SLC11A1: variants seen among roughly 807,000 people sequenced by gnomAD.
SLC11A1 encodes the protein natural resistance-associated macrophage protein 1.
In SLC11A1, 59 loss-of-function variants were observed where a neutral mutation model predicts 63.2. That is an observed-to-expected ratio of 0.93 (90% CI 0.76 to 1.16). SLC11A1 has a LOEUF of 1.16. Among genes scored for constraint, SLC11A1 ranks in the 50% most tolerant of loss-of-function variants. The probability of loss-of-function intolerance (pLI) is 0.00; values close to 1 mark genes in which losing one functional copy is unlikely to be tolerated. For missense variants in SLC11A1, 688 were observed against 730.7 expected (o/e 0.94, Z 0.67); for synonymous variants, 305 against 307.8 (o/e 0.99, Z 0.09).
In SLC11A1 at chr2:218,395,369, G is replaced by A. The variant is rs1696702314; in HGVS notation, c.*334G>A. The A allele has an allele frequency of 7.8e-6, 2 of 257,124 alleles. No homozygotes were observed. The highest frequency in any genetic ancestry group is 4.4e-5 in the African/African-American group (2 of 45,230). 15.9% of individuals were successfully genotyped at this position (257,124 alleles called of 1,614,324 possible). ...AGGCGTGACCTGACAGCCCAAGGGT[G>A]GGTGGGGTGAGGGCTTGAGGACTTG... On this transcript the variant is annotated 3_prime_UTR_variant, in exon 15 of 15. Coordinates refer to ENST00000233202, the MANE Select transcript of SLC11A1 (RefSeq NM_000578.4).
Position 218,384,107 on chromosome 2 carries a change from A to C in SLC11A1, c.151-136A>C, listed in dbSNP as rs1695944145. ...ATGCCCTCCCCATCCCTTGGGTGGC[A>C]GACCCAGGAATGGGCCATGGAGGGC... On this transcript the variant is annotated intron_variant, in intron 2 of 14. Coordinates refer to ENST00000233202, the MANE Select transcript of SLC11A1 (RefSeq NM_000578.4). This position sits in a 1 kb window ranked among gnomAD's most constrained non-coding sequence, Gnocchi z 4.0. 1 of 873,068 alleles carries C rather than the reference A, an allele frequency of 1.1e-6. No individual in the cohort carries two copies. Among genetic ancestry groups the C allele is most frequent in the Admixed American group, 2.8e-5 (1 of 35,522 alleles). 54.1% of individuals were successfully genotyped at this position (873,068 alleles called of 1,614,324 possible).
Position 218,387,582 on chromosome 2 carries a change from G to C in SLC11A1, c.589G>C (p.Ala197Pro). ...LDNYGLRKLE[A>P]FFGLLITIMA... ...CTCCGTAGGGCTGCGGAAGCTGGAA[G>C]CTTTTTTTGGACTCCTTATAACCAT... The change falls in exon 7 of 15, where the codon GCT becomes CCT. Residue 197 changes from alanine to proline, a missense_variant. Ala to Pro is a conservative substitution (Grantham distance 27). Coordinates refer to ENST00000233202, the MANE Select transcript of SLC11A1 (RefSeq NM_000578.4). The C allele has an allele frequency of 1.9e-6, 3 of 1,614,214 alleles. No individual in the cohort carries two copies. Among genetic ancestry groups the C allele is most frequent in the Non-Finnish European group, 2.5e-6 (3 of 1,180,040 alleles).
chr2:218,395,646 G>C lies in SLC11A1; in HGVS notation c.*611G>C, dbSNP rs1696716197. 6.6e-6 allele frequency: 1 copy of C among 152,460 alleles called. No individual in the cohort carries two copies. The highest frequency in any genetic ancestry group is 1.5e-5 in the Non-Finnish European group (1 of 68,184). 9.4% of individuals were successfully genotyped at this position (152,460 alleles called of 1,614,324 possible). On this transcript the variant is annotated 3_prime_UTR_variant, in exon 15 of 15. Transcript: ENST00000233202. The stretch of plus-strand genomic sequence containing the variant: ...TTTGTGTATTTTCAGCAGAGACGGG[G>C]TTTGCCATGCTGGCCAGGCTGGTCT...
intron 8 of SLC11A1, chr2:218,388,286 T>C: frequency 4.0e-6 from 1 of 247,398 alleles, no homozygotes; most frequent in Non-Finnish European, 7.8e-6. Flanking sequence ...GAGAATCGCT[T>C]GAACCCGGGA....
intron 13 of SLC11A1, 39 bp downstream of exon 13, chr2:218,394,232 A>T: frequency 6.3e-7 from 1 of 1,586,318 alleles, no homozygotes. Flanking sequence ...TTGCATCACC[A>T]CATTTCATCC....
At chr2:218,391,582 C>T in intron 11 of SLC11A1, 87 bp downstream of exon 11, 1 of 1,361,720 alleles carries the variant, frequency 7.3e-7, no homozygotes, top group Non-Finnish European at 9.8e-7. Flanking sequence ...CCTTGTGGGT[C>T]CTCTTTTCTT....
intron 9 of SLC11A1, among the ~76,000 whole-genome samples, chr2:218,390,886 G>C (rs1559122063): frequency 6.7e-6 from 1 of 148,376 alleles, no homozygotes; most frequent in Non-Finnish European, 1.5e-5. Context: ...CCACATTAAA[G>C]AAAAAAAAAA....
rs991052854 is a variant in SLC11A1, at chr2:218,396,195, G to C, written c.*1160G>C. The C allele has an allele frequency of 1.3e-5, 2 of 152,196 alleles. No individual in the cohort carries two copies. The highest frequency in any genetic ancestry group is 4.8e-5 in the African/African-American group (2 of 41,440). The allele number at this position is 152,196 out of a possible 1,614,324, so 9.4% of individuals were successfully genotyped here. A position where few individuals can be genotyped will look rare whatever the true frequency, so the allele number is the denominator to read the frequency against. ...CTCGGGGCTCGCGCCAGGGGCCCCA[G>C]AATCCTTCGGGGAGAGTGGGTGGGA... On this transcript the variant is annotated 3_prime_UTR_variant, in exon 15 of 15. Coordinates refer to ENST00000233202, the MANE Select transcript of SLC11A1 (RefSeq NM_000578.4).
In SLC11A1 at chr2:218,392,996, C is replaced by G; in HGVS notation, c.1180C>G (p.Arg394Gly). The G allele has an allele frequency of 1.3e-6, 2 of 1,592,154 alleles. No homozygotes were observed. Among genetic ancestry groups the G allele is most frequent in the Non-Finnish European group, 8.5e-7 (1 of 1,172,410 alleles). The stretch of plus-strand genomic sequence containing the variant: ...CCCACCCCAGGGCTTCCTGAGGCTG[C>G]GGTGGTCACGCTTCGCCCGTGTCCT... ...QFVMEGFLRL[R>G]WSRFARVLLT... The change falls in exon 12 of 15, where the codon CGG becomes GGG. Residue 394 changes from arginine to glycine, a missense_variant. Arg to Gly is a moderately radical substitution (Grantham distance 125). Coordinates refer to ENST00000233202, the MANE Select transcript of SLC11A1 (RefSeq NM_000578.4).
rs1185953285 is a variant in SLC11A1 at position 218,396,555 on chromosome 2, A to G, written c.*1520A>G. ...TATGAGAAGAATTTCCTCTTTCTTAAAAGGGCAACGATGCGAGTGGGTCCC... is the reference window on the plus strand; with the variant it reads ...TATGAGAAGAATTTCCTCTTTCTTAGAAGGGCAACGATGCGAGTGGGTCCC... On this transcript the variant is annotated 3_prime_UTR_variant, in exon 15 of 15. Transcript: ENST00000233202. 1 of 152,406 alleles carries G rather than the reference A, an allele frequency of 6.6e-6. No individual in the cohort carries two copies. Among genetic ancestry groups the G allele is most frequent in the Non-Finnish European group, 1.5e-5 (1 of 68,094 alleles). 9.4% of individuals were successfully genotyped at this position (152,406 alleles called of 1,614,324 possible). A position where few individuals can be genotyped will look rare whatever the true frequency, so the allele number is the denominator to read the frequency against.
In SLC11A1 at chr2:218,391,483, G is replaced by A; in HGVS notation, c.1152G>A (p.Gln384=). The change falls in exon 11 of 15, where the codon CAG becomes CAA. Residue 384 remains glutamine, a synonymous_variant. Transcript: ENST00000233202. ...SSTMTGTYAG[Q]FVMEGFLRLR... is the part of the protein sequence containing the mutation. ...CCATGACGGGCACCTACGCGGGACA[G>A]TTCGTGATGGAGGTAGGGCAGGGGG... 6.3e-7 allele frequency: 1 copy of A among 1,597,954 alleles called. No homozygotes were observed. The highest frequency in any genetic ancestry group is 8.5e-7 in the Non-Finnish European group (1 of 1,172,524).
rs372696535 is a variant in SLC11A1 at position 218,394,645 on chromosome 2, G to A, written c.1402G>A (p.Val468Ile). ...CGTGTCCCCCAGGCTGAACAAGGTC[G>A]TCACCTCTTCCATCATGGTGCTAGT... ...EFANGLLNKVVTSSIMVLVCA... is the reference protein window; with the variant it reads ...EFANGLLNKVITSSIMVLVCA... Residue 468 changes from valine (V) to isoleucine (I), a missense_variant, in exon 14 of 15, where the codon GTC becomes ATC. Val to Ile is a conservative substitution (Grantham distance 29). Transcript: ENST00000233202. 1.1e-4 allele frequency: 180 copies of A among 1,613,686 alleles called. No individual in the cohort carries two copies. Among genetic ancestry groups the A allele is most frequent in the South Asian group, 4.9e-4 (45 of 91,090 alleles).
chr2:218,387,528 TCG>T (rs1292952264), intron 6 of SLC11A1, 35 bp from the exon 7 acceptor site: 1 of 1,608,374 alleles, frequency 6.2e-7, no homozygotes. Context: ...CAGATTTTTT[TCG>T]TTGGTTTGTT....
At position 218,386,741 on chromosome 2, in the gene SLC11A1, G is replaced by A. The variant is rs770642709; in HGVS notation, c.500G>A (p.Arg167Gln). 7.4e-6 allele frequency: 12 copies of A among 1,611,260 alleles called. No homozygotes were observed. Among genetic ancestry groups the A allele is most frequent in the South Asian group, 5.5e-5 (5 of 90,982 alleles). Residue 167 changes from arginine (R) to glutamine (Q), a missense_variant and splice_region_variant, in exon 5 of 15, where the codon CGA becomes CAA. Coordinates refer to ENST00000233202, the MANE Select transcript of SLC11A1 (RefSeq NM_000578.4). Reference protein sequence around the residue: ...AIAFNLLSAGRIPLWGGVLIT... With the variant: ...AIAFNLLSAGQIPLWGGVLIT... ...GCATTCAATCTGCTCTCAGCTGGAC[G>A]GTACCACCCCAGTGTACCCCAACTC...
chr2:218,382,539 C>G (rs958940552), intron 1 of SLC11A1, among the ~76,000 whole-genome samples, 164 bp downstream of exon 1: 3 of 152,212 alleles, frequency 2.0e-5, no homozygotes, highest in African/African-American at 7.2e-5. Context: ...ACACCAGACT[C>G]AATCTCACTG....
In SLC11A1 at chr2:218,394,695, G is replaced by A. The variant is rs1342186695; in HGVS notation, c.1452G>A (p.Val484=). The A allele has an allele frequency of 6.2e-7, 1 of 1,613,920 alleles. No homozygotes were observed. Among genetic ancestry groups the A allele is most frequent in the East Asian group, 2.2e-5 (1 of 44,906 alleles). Residue 484 remains valine, a synonymous_variant, in exon 14 of 15, where the codon GTG becomes GTA. Transcript: ENST00000233202. ...VLVCAINLYF[V]VSYLPSLPHP... ...TCTGCGCCATCAACCTCTACTTCGT[G>A]GTCAGCTATCTGCCCAGCCTGCCCC... is the stretch of plus-strand genomic sequence containing the variant.
rs761941737 is a variant in SLC11A1 at position 218,390,038 on chromosome 2, A to G, written c.954+10A>G. 2 of 1,605,090 alleles carry G rather than the reference A, an allele frequency of 1.2e-6. No individual in the cohort carries two copies. The highest frequency in any genetic ancestry group is 1.7e-6 in the Non-Finnish European group (2 of 1,175,140). On this transcript the variant is annotated intron_variant, in intron 9 of 14. Coordinates refer to ENST00000233202, the MANE Select transcript of SLC11A1 (RefSeq NM_000578.4). Reference sequence around the variant, plus strand: ...AACCAACCAGGCTGCGGTGAGACACACTTTCCCCCGCACCTGAGGCCACAC... The same window carrying G: ...AACCAACCAGGCTGCGGTGAGACACGCTTTCCCCCGCACCTGAGGCCACAC...
intron 6 of SLC11A1, 58 bp from the exon 7 acceptor site, chr2:218,387,507 T>C: frequency 6.4e-7 from 1 of 1,564,946 alleles, no homozygotes; most frequent in Non-Finnish European, 8.8e-7. Context: ...CATTACGAAT[T>C]GTTGATGTCA....
At chr2:218,385,360 C>T (rs1221997324) in intron 4 of SLC11A1, 94 bp downstream of exon 4, 4 of 1,519,856 alleles carry the variant, frequency 2.6e-6, no homozygotes, top group Non-Finnish European at 3.6e-6. Context: ...CATCATCTCA[C>T]ATGGGGCATC....
Sources: gnomAD v4.1 joint callset for allele counts (sites outside exome capture counted in the v4.1 genomes callset) on GRCh38, gnomAD v4.1.1 for gene constraint, Gnocchi (gnomAD v3.1) non-coding constraint, MANE v1.5 for transcripts, NCBI Gene and HGNC (gene_info 2026-07-23, HGNC 2026-07-21) for gene names.